RNLS: variants seen among roughly 807,000 people sequenced by gnomAD.
RNLS encodes the protein renalase.
Under a neutral mutation model 39.8 loss-of-function variants are expected in RNLS, and 39 were observed. The ratio of observed to expected loss-of-function variants is 0.98; its 90% CI spans 0.76 to 1.28. RNLS has a LOEUF of 1.28. Among genes scored for constraint, RNLS ranks in the 50% most tolerant of loss-of-function variants. The pLI is 0.00. For missense variants in RNLS, 410 were observed against 413.3 expected (o/e 0.99, Z 0.07); for synonymous variants, 147 against 150.7 (o/e 0.98, Z 0.18).
At chr10:88,176,478 T>C in the RNLS span, among the ~76,000 whole-genome samples, 1 of 152,188 alleles carries the variant, frequency 6.6e-6, no homozygotes, top group Admixed American at 6.5e-5. Context: ...CCAGCCAGCC[T>C]ATCTTATAGT....
intron 4 of RNLS, among the ~76,000 whole-genome samples, chr10:88,476,452 C>T (rs1843827923): frequency 6.6e-6 from 1 of 152,120 alleles, no homozygotes; most frequent in Non-Finnish European, 1.5e-5. Flanking sequence ...ATTCTTTTAT[C>T]CATGCTGTAT....
At chr10:88,279,243 C>G (rs1304122145), downstream of RNLS, among the ~76,000 whole-genome samples, 2 of 152,146 alleles carry the variant, frequency 1.3e-5, no homozygotes, top group East Asian at 3.9e-4. Context: ...AAGTGGCTTC[C>G]TAGCTAGATC....
At chr10:88,450,239 C>T (rs937493311) in intron 4 of RNLS, among the ~76,000 whole-genome samples, 1 of 152,072 alleles carries the variant, frequency 6.6e-6, no homozygotes, top group Non-Finnish European at 1.5e-5. Flanking sequence ...GCATGGGCTG[C>T]CTGCTCTCTG....
At chr10:88,391,900 A>T (rs1852224671) in intron 4 of RNLS, among the ~76,000 whole-genome samples, 1 of 152,202 alleles carries the variant, frequency 6.6e-6, no homozygotes, top group Non-Finnish European at 1.5e-5. Flanking sequence ...GCTCTGCAAT[A>T]ACCTGGGAAA....
At chr10:88,222,632 G>A in the RNLS span, among the ~76,000 whole-genome samples, 2 of 152,054 alleles carry the variant, frequency 1.3e-5, no homozygotes, top group African/African-American at 4.8e-5. Flanking sequence ...CCTACACAAC[G>A]CCTGATGAAC....
At chr10:88,294,680 A>C (rs1261676715) in intron 6 of RNLS, among the ~76,000 whole-genome samples, 1 of 152,188 alleles carries the variant, frequency 6.6e-6, no homozygotes, top group Non-Finnish European at 1.5e-5. Flanking sequence ...TCCTTAAAGT[A>C]GCAAGCTATG....
chr10:88,455,697 C>T lies in RNLS; in HGVS notation c.527-92972G>A, dbSNP rs369065428. 5.3e-5 allele frequency among the ~76,000 whole-genome samples: 8 copies of T among 152,258 alleles called. No individual in the cohort carries two copies. In the South Asian group the frequency reaches 1.2e-3, roughly 24 times the overall value. On this transcript the variant is annotated intron_variant, in intron 4 of 6. Transcript: ENST00000331772. ...CTGGAATTACAGGCGTGAGCCACCA[C>T]GCCTGGCCTGTAATTAATTTTAAAT...
the RNLS span, among the ~76,000 whole-genome samples, chr10:88,176,901 C>G: frequency 2.6e-5 from 4 of 152,202 alleles, no homozygotes; most frequent in African/African-American, 9.7e-5. Flanking sequence ...TCTTTCAGCA[C>G]TTGGAATATA....
chr10:88,579,173 T>C (rs1393667204), intron 3 of RNLS, among the ~76,000 whole-genome samples: 1 of 152,080 alleles, frequency 6.6e-6, no homozygotes, highest in African/African-American at 2.4e-5. Flanking sequence ...GGACAAAGGG[T>C]TATATCTATG....
At position 88,505,970 on chromosome 10, in the gene RNLS, T is replaced by C. The variant is rs1465697538; in HGVS notation, c.526+66933A>G. The stretch of plus-strand genomic sequence containing the variant: ...TTACTTGTTAAACTTGTGAACTTGT[T>C]AGAAATTCAAATGACTGGGCTCCAA... On this transcript the variant is annotated intron_variant, in intron 4 of 6. Transcript: ENST00000331772. Among the ~76,000 whole-genome samples, 7 of 152,220 alleles carry C rather than the reference T, an allele frequency of 4.6e-5. No homozygotes were observed. The South Asian group carries it at 1.0e-3, about 23-fold the overall frequency.
chr10:88,406,303 C>A (rs950205976), intron 4 of RNLS, among the ~76,000 whole-genome samples: 2 of 151,940 alleles, frequency 1.3e-5, no homozygotes. Flanking sequence ...TCCTCGATTA[C>A]CCCCCAAATA....
chr10:88,217,644 G>A, the RNLS span, among the ~76,000 whole-genome samples: 1 of 149,334 alleles, frequency 6.7e-6, no homozygotes, highest in Non-Finnish European at 1.5e-5. Flanking sequence ...TGGAACTAGA[G>A]CACTATAGAG....
chr10:88,274,618 C>G (rs189450763), exon 7 of RNLS: 16 of 231,050 alleles, frequency 6.9e-5, no homozygotes, highest in Non-Finnish European at 1.2e-4. Context: ...TTGCTTCCAC[C>G]TTTTGGCTGT....
At chr10:88,541,001 A>T (rs1848008960) in intron 4 of RNLS, among the ~76,000 whole-genome samples, 1 of 151,774 alleles carries the variant, frequency 6.6e-6, no homozygotes, top group Non-Finnish European at 1.5e-5. Flanking sequence ...AAAAAAAAAA[A>T]AAAAGTACAT....
At chr10:88,436,295 T>C (rs1841406485) in intron 4 of RNLS, among the ~76,000 whole-genome samples, 1 of 152,088 alleles carries the variant, frequency 6.6e-6, no homozygotes, top group Admixed American at 6.6e-5. Flanking sequence ...ATGTGTAGGA[T>C]GCCACACAGA....
intron 4 of RNLS, among the ~76,000 whole-genome samples, chr10:88,526,589 C>T (rs1452847469): frequency 1.3e-5 from 2 of 151,608 alleles, no homozygotes; most frequent in Non-Finnish European, 2.9e-5. Context: ...ATAGGGAGGC[C>T]CTACCTCTAC....
At chr10:88,445,683 A>C (rs1841993563) in intron 4 of RNLS, among the ~76,000 whole-genome samples, 1 of 152,192 alleles carries the variant, frequency 6.6e-6, no homozygotes, top group Non-Finnish European at 1.5e-5. Context: ...GATAAAACAG[A>C]CTGTAAACCA....
intron 5 of RNLS, among the ~76,000 whole-genome samples, chr10:88,357,156 A>C (rs1328289694): frequency 6.6e-6 from 1 of 152,214 alleles, no homozygotes; most frequent in Non-Finnish European, 1.5e-5. Flanking sequence ...TAAATGCCAC[A>C]CAAAGTCTTC....
rs576732823 is a variant in RNLS, at chr10:88,495,918, AAGAC to A, written c.526+76981_526+76984del. On this transcript the variant is annotated intron_variant, in intron 4 of 6. Coordinates refer to ENST00000331772, the MANE Select transcript of RNLS (RefSeq NM_001031709.3). ...TCAAGTGGGAATTTTGAAAGAAAAA[AAGAC>A]AGAACATATTTGAAAAACTGGGGCA... Among the ~76,000 whole-genome samples the A allele has an allele frequency of 3.3e-5, 5 of 152,270 alleles. No individual in the cohort carries two copies. The South Asian group carries it at 6.2e-4, about 19-fold the overall frequency.
Sources: gnomAD v4.1 joint callset for allele counts (sites outside exome capture counted in the v4.1 genomes callset) on GRCh38, gnomAD v4.1.1 for gene constraint, MANE v1.5 for transcripts, NCBI Gene and HGNC (gene_info 2026-07-23, HGNC 2026-07-21) for gene names.